HDAC8: variants seen among roughly 807,000 people sequenced by gnomAD.
HDAC8 encodes the protein histone deacetylase 8, also known as histone deacetylase-like 1.
In HDAC8, 1 loss-of-function variant was observed where a neutral mutation model predicts 32.2. The ratio of observed to expected loss-of-function variants is 0.03; its 90% CI spans 0.01 to 0.15. HDAC8 has a LOEUF of 0.15. HDAC8 is among the 10% of genes least tolerant of loss of function. HDAC8 has a pLI of 1.00. For synonymous variants in HDAC8, 108 were observed against 113.9 expected, an observed-to-expected ratio of 0.95 and a Z score of 0.33; for missense variants, 117 against 300.0, an observed-to-expected ratio of 0.39 and a Z score of 4.51.
At chrX:72,403,873 G>C (rs2045970728) in intron 9 of HDAC8, among the ~76,000 whole-genome samples, 1 of 111,030 alleles carries the variant, frequency 9.0e-6, no homozygotes, top group South Asian at 3.8e-4. Context: ...AGACCAGCCT[G>C]GACAACACAG....
chrX:72,568,933 G>A (rs369802387), intron 2 of HDAC8, 49 bp from the exon 3 acceptor site: 128 of 1,149,529 alleles, frequency 1.1e-4, no homozygotes, highest in African/African-American at 9.5e-4. Context: ...CAGACCCAGC[G>A]TATGCCAGAA....
At chrX:72,566,843 T>A (rs1038517762) in intron 4 of HDAC8, among the ~76,000 whole-genome samples, 11 of 112,099 alleles carry the variant, frequency 9.8e-5, no homozygotes, top group African/African-American at 3.6e-4. Flanking sequence ...TTTGACATGT[T>A]AACATAAAAC....
At chrX:72,471,157 C>CA (rs1485752389) in intron 7 of HDAC8, among the ~76,000 whole-genome samples, 1 of 112,532 alleles carries the variant, frequency 8.9e-6, no homozygotes, top group Admixed American at 9.4e-5. Context: ...TGTGTTGTAG[C>CA]ATGTATCAGT....
chrX:72,443,880 A>T (rs2047270128), intron 9 of HDAC8, among the ~76,000 whole-genome samples: 1 of 109,687 alleles, frequency 9.1e-6, no homozygotes, highest in Non-Finnish European at 1.9e-5. Context: ...CAGAAATACA[A>T]ACTACCATCA....
chrX:72,512,630 A>G (rs1428413135), intron 4 of HDAC8, among the ~76,000 whole-genome samples: 6 of 110,824 alleles, frequency 5.4e-5, no homozygotes, highest in Non-Finnish European at 1.1e-4. Flanking sequence ...TGAGAAACAA[A>G]TAGGAAATCT....
At chrX:72,366,175 C>G (rs1324840270) in intron 9 of HDAC8, among the ~76,000 whole-genome samples, 1 of 112,255 alleles carries the variant, frequency 8.9e-6, no homozygotes, top group Non-Finnish European at 1.9e-5. Flanking sequence ...CCTGAGCTTT[C>G]CATCAGAAAT....
chrX:72,458,298 C>T (rs1165999147), intron 9 of HDAC8, among the ~76,000 whole-genome samples: 1 of 112,817 alleles, frequency 8.9e-6, no homozygotes, highest in East Asian at 2.8e-4. Context: ...TGGCTTTATG[C>T]CATCACTGGC....
chrX:72,489,895 C>T (rs1219405269), intron 6 of HDAC8, among the ~76,000 whole-genome samples: 1 of 110,968 alleles, frequency 9.0e-6, no homozygotes, highest in Non-Finnish European at 1.9e-5. Context: ...TGAACTCAAA[C>T]AAATTTACAA....
At chrX:72,417,493 C>A (rs782690886) in intron 9 of HDAC8, among the ~76,000 whole-genome samples, 1 of 111,410 alleles carries the variant, frequency 9.0e-6, no homozygotes, top group East Asian at 2.8e-4. Context: ...AATAAAATAT[C>A]TAGGAATACA....
chrX:72,338,791 G>A (rs1280500814), intron 10 of HDAC8, among the ~76,000 whole-genome samples: 3 of 104,628 alleles, frequency 2.9e-5, no homozygotes, highest in Non-Finnish European at 5.8e-5. Context: ...GCTCACGCCT[G>A]TAATCCCAGC....
At chrX:72,566,243 G>A (rs1556133637) in intron 4 of HDAC8, among the ~76,000 whole-genome samples, 1 of 111,401 alleles carries the variant, frequency 9.0e-6, no homozygotes, top group African/African-American at 3.3e-5. Flanking sequence ...AGGATCCCTT[G>A]AGCCCAGGAG....
intron 4 of HDAC8, among the ~76,000 whole-genome samples, chrX:72,500,581 C>G (rs2049178815): frequency 8.9e-6 from 1 of 111,777 alleles, no homozygotes; most frequent in Admixed American, 9.5e-5. Flanking sequence ...TTCAACACCC[C>G]TTCATGTTAA....
chrX:72,432,389 C>T (rs970404402), intron 9 of HDAC8, among the ~76,000 whole-genome samples: 13 of 110,854 alleles, frequency 1.2e-4, no homozygotes, highest in African/African-American at 4.3e-4. Flanking sequence ...ACAGGGGCCC[C>T]TGAGGGTCTG....
intron 4 of HDAC8, among the ~76,000 whole-genome samples, chrX:72,552,935 C>A (rs1556077840): frequency 9.0e-6 from 1 of 111,115 alleles, no homozygotes; most frequent in Non-Finnish European, 1.9e-5. Context: ...ATATTCTTTA[C>A]AGGACTCTAA....
intron 9 of HDAC8, among the ~76,000 whole-genome samples, chrX:72,417,076 A>G (rs68148775): frequency 0.057 from 6,327 of 111,312 alleles, 428 homozygotes; most frequent in African/African-American, 0.2. Flanking sequence ...ATTAGTTACA[A>G]TTACAACACT....
chrX:72,345,231 C>T (rs1405969413), intron 10 of HDAC8, among the ~76,000 whole-genome samples: 1 of 111,179 alleles, frequency 9.0e-6, no homozygotes, highest in Non-Finnish European at 1.9e-5. Flanking sequence ...AATTAAACTG[C>T]TTCTGAAGCT....
rs201788701 is a variant in HDAC8, at chrX:72,484,248, AT to A, written c.737+4684del. Among the ~76,000 whole-genome samples the A allele has an allele frequency of 7.6e-3, 854 of 111,981 alleles. 8 individuals carry two copies. Among genetic ancestry groups the A allele is most frequent in the African/African-American group, 0.025 (781 of 30,851 alleles). On this transcript the variant is annotated intron_variant, in intron 7 of 10. Transcript: ENST00000373573. ...CAAATACAGGTAGGTTCTTATTTTA[AT>A]GACTACTATTATGAACTCTGGTTCA... is the stretch of plus-strand genomic sequence containing the variant.
chrX:72,440,332 G>A (rs1184415520), intron 9 of HDAC8, among the ~76,000 whole-genome samples: 2 of 111,808 alleles, frequency 1.8e-5, no homozygotes, highest in Admixed American at 9.5e-5. Context: ...GCAGTGTTTA[G>A]AGGGAAATTT....
intron 4 of HDAC8, among the ~76,000 whole-genome samples, chrX:72,523,829 C>G (rs1242146300): frequency 1.8e-5 from 2 of 111,841 alleles, no homozygotes; most frequent in Non-Finnish European, 3.8e-5. Flanking sequence ...CTCCATTTTA[C>G]AGATGAGAAA....
Sources: allele counts gnomAD v4.1 joint callset (sites outside exome capture counted in the v4.1 genomes callset), GRCh38; gene constraint gnomAD v4.1.1; transcripts MANE v1.5; gene names NCBI Gene and HGNC (gene_info 2026-07-23, HGNC 2026-07-21).